The following CCDC148 variants were observed in gnomAD, a reference collection of about 807,000 sequenced individuals.
CCDC148 encodes the protein coiled-coil domain containing 148.
Under a neutral mutation model 85.7 loss-of-function variants are expected in CCDC148, and 89 were observed. The ratio of observed to expected loss-of-function variants is 1.04; its 90% CI spans 0.87 to 1.24. The LOEUF (loss-of-function observed/expected upper bound fraction) is 1.24, where lower values mean the gene tolerates loss of function less well. Among genes scored for constraint, CCDC148 ranks in the 50% most tolerant of loss-of-function variants. CCDC148 has a pLI of 0.00. For synonymous variants in CCDC148, 230 were observed against 213.9 expected, an observed-to-expected ratio of 1.08 and a Z score of -0.66; for missense variants, 692 against 671.7, an observed-to-expected ratio of 1.03 and a Z score of -0.33.
intron 9 of CCDC148, among the ~76,000 whole-genome samples, chr2:158,298,326 G>GT (rs145300810): frequency 0.18 from 27,479 of 151,150 alleles, 3,085 homozygotes; most frequent in Non-Finnish European, 0.25. Context: ...CCTAGGTGTG[G>GT]TTTTTTTTTG....
rs570106482 is a variant in CCDC148, at chr2:158,196,964, T to C, written c.1371-17968A>G. Among the ~76,000 whole-genome samples the C allele has an allele frequency of 2.0e-5, 3 of 152,310 alleles. No homozygotes were observed. In the South Asian group the frequency reaches 6.2e-4, roughly 32 times the overall value. ...CTGGAAGGTGAGATCATTAACTGTC[T>C]TAGAATCAATACTTGAGTCCTTAAG... On this transcript the variant is annotated intron_variant, in intron 11 of 13. Coordinates refer to ENST00000283233, the MANE Select transcript of CCDC148 (RefSeq NM_138803.4).
intron 11 of CCDC148, among the ~76,000 whole-genome samples, chr2:158,203,604 G>C (rs1686079703): frequency 6.6e-6 from 1 of 151,958 alleles, no homozygotes; most frequent in South Asian, 2.1e-4. Flanking sequence ...TTAGGAGAAA[G>C]ATTTACATTT....
At chr2:158,366,549 G>A (rs1684212437) in intron 1 of CCDC148, among the ~76,000 whole-genome samples, 2 of 152,156 alleles carry the variant, frequency 1.3e-5, no homozygotes, top group South Asian at 4.1e-4. Flanking sequence ...ACCCCCTTCA[G>A]GTTAGGACTC....
chr2:158,412,057 T>C (rs967906638), intron 1 of CCDC148, among the ~76,000 whole-genome samples: 1 of 151,400 alleles, frequency 6.6e-6, no homozygotes, highest in Non-Finnish European at 1.5e-5. Flanking sequence ...TCAGCTGGGG[T>C]TTTACTGACA....
intron 2 of CCDC148, among the ~76,000 whole-genome samples, chr2:158,350,650 T>C (rs557521147): frequency 6.6e-6 from 1 of 152,298 alleles, no homozygotes; most frequent in South Asian, 2.1e-4. Flanking sequence ...ATTGGATACA[T>C]CTCAAATATC....
chr2:158,223,265 G>T (rs1476907271), intron 10 of CCDC148, among the ~76,000 whole-genome samples: 1 of 152,180 alleles, frequency 6.6e-6, no homozygotes, highest in Non-Finnish European at 1.5e-5. Flanking sequence ...CAGCGAGGCT[G>T]GGGGAGGGAC....
intron 10 of CCDC148, among the ~76,000 whole-genome samples, chr2:158,226,279 C>T (rs1452436834): frequency 2.6e-5 from 4 of 152,114 alleles, no homozygotes; most frequent in Admixed American, 6.6e-5. Context: ...TCTGAAGAGA[C>T]CAATAACAGG....
intron 1 of CCDC148, among the ~76,000 whole-genome samples, chr2:158,399,956 C>T (rs889131021): frequency 2.0e-5 from 3 of 152,072 alleles, no homozygotes; most frequent in Admixed American, 2.0e-4. Flanking sequence ...ACAATTACTA[C>T]AAAGAGAATG....
At chr2:158,331,457 G>A (rs1425612253) in intron 7 of CCDC148, among the ~76,000 whole-genome samples, 2 of 152,230 alleles carry the variant, frequency 1.3e-5, no homozygotes, top group Non-Finnish European at 2.9e-5. Flanking sequence ...TAAGTGTGGT[G>A]TGGTGCTGAG....
intron 1 of CCDC148, among the ~76,000 whole-genome samples, chr2:158,386,584 C>T (rs1367865407): frequency 6.6e-6 from 1 of 151,970 alleles, no homozygotes; most frequent in East Asian, 1.9e-4. Context: ...TAATTTTTTT[C>T]CCATCATCTC....
At chr2:158,425,023 C>G in intron 1 of CCDC148, 1 of 419,818 alleles carries the variant, frequency 2.4e-6, no homozygotes, top group Non-Finnish European at 4.8e-6. Flanking sequence ...AGAACAGGTG[C>G]TGCAACCAGT....
chr2:158,402,091 C>T (rs1029790022), intron 1 of CCDC148, among the ~76,000 whole-genome samples: 10 of 152,040 alleles, frequency 6.6e-5, no homozygotes, highest in African/African-American at 2.4e-4. Flanking sequence ...AACACTATAA[C>T]TAACATCTGT....
Position 158,387,980 on chromosome 2 carries a change from G to C in CCDC148, c.26-29410C>G, listed in dbSNP as rs555133855. On this transcript the variant is annotated intron_variant, in intron 1 of 13. Transcript: ENST00000283233. Reference sequence around the variant, plus strand: ...AGTTCCCTCCCAGTTCCAGTGTAGAGACCAGCACTGTTCTGCTCCTTATAA... The same window carrying C: ...AGTTCCCTCCCAGTTCCAGTGTAGACACCAGCACTGTTCTGCTCCTTATAA... 3.0e-4 allele frequency among the ~76,000 whole-genome samples: 46 copies of C among 152,276 alleles called. No individual in the cohort carries two copies. The South Asian group carries it at 9.3e-3, about 31-fold the overall frequency.
intron 1 of CCDC148, among the ~76,000 whole-genome samples, chr2:158,392,876 G>A (rs567646115): frequency 1.3e-5 from 2 of 152,134 alleles, no homozygotes; most frequent in African/African-American, 4.8e-5. Flanking sequence ...CATTGCATAC[G>A]ACTGCACACA....
intron 10 of CCDC148, among the ~76,000 whole-genome samples, chr2:158,240,359 C>T (rs541654539): frequency 2.0e-5 from 3 of 151,352 alleles, no homozygotes; most frequent in East Asian, 1.9e-4. Context: ...GCCCTAGTAA[C>T]ATATTATATA....
At chr2:158,333,905 C>T (rs538225634) in intron 7 of CCDC148, among the ~76,000 whole-genome samples, 8 of 152,212 alleles carry the variant, frequency 5.3e-5, no homozygotes, top group African/African-American at 1.9e-4. Flanking sequence ...ATCTGCCTAT[C>T]TGGGTCTTTC....
intron 2 of CCDC148, among the ~76,000 whole-genome samples, chr2:158,349,902 C>T (rs534842472): frequency 4.7e-4 from 72 of 152,156 alleles, no homozygotes; most frequent in African/African-American, 1.5e-3. Context: ...CATGAATCTA[C>T]GGAGACTAAA....
intron 10 of CCDC148, among the ~76,000 whole-genome samples, chr2:158,235,404 C>T (rs945199437): frequency 6.6e-6 from 1 of 152,112 alleles, no homozygotes; most frequent in African/African-American, 2.4e-5. Context: ...TTCAAAGAAT[C>T]ATGATTTAAT....
chr2:158,260,587 T>C (rs1960641), intron 9 of CCDC148, among the ~76,000 whole-genome samples: 57,695 of 151,880 alleles, frequency 0.38, 11,995 homozygotes, highest in South Asian at 0.61. Flanking sequence ...TGCTTGCAGA[T>C]GACATGATAA....
Sources: gnomAD v4.1 joint callset for allele counts (sites outside exome capture counted in the v4.1 genomes callset) on GRCh38, gnomAD v4.1.1 for gene constraint, MANE v1.5 for transcripts, NCBI Gene and HGNC (gene_info 2026-07-23, HGNC 2026-07-21) for gene names.